Variants in TTC39B observed in about 807,000 individuals in gnomAD.
The protein encoded by TTC39B is tetratricopeptide repeat domain 39B, also known as tetratricopeptide repeat protein 39B.
A neutral mutation model predicts 96.6 loss-of-function variants in TTC39B; 92 were observed. The observed-to-expected ratio is 0.95, with a 90% CI of 0.80 to 1.13. The LOEUF is 1.13. TTC39B is among the 50% of genes most tolerant of loss of function. The pLI is 0.00. For synonymous variants in TTC39B, 367 were observed against 299.4 expected (o/e 1.23, Z -2.33); for missense variants, 955 against 809.3 (o/e 1.18, Z -2.18).
chr9:15,283,066 A>G (rs568795600), intron 1 of TTC39B, among the ~76,000 whole-genome samples: 117 of 152,314 alleles, frequency 7.7e-4, no homozygotes, highest in African/African-American at 2.6e-3. Context: ...GGCATTTACC[A>G]TAAGGCATAT....
At chr9:15,178,126 C>T (rs1208873932) in intron 17 of TTC39B, among the ~76,000 whole-genome samples, 1 of 152,066 alleles carries the variant, frequency 6.6e-6, no homozygotes, top group African/African-American at 2.4e-5. Flanking sequence ...ACCTCGGCCT[C>T]CCAGAGTGCT....
intron 4 of TTC39B, among the ~76,000 whole-genome samples, chr9:15,213,024 T>C (rs1402466777): frequency 6.6e-6 from 1 of 152,182 alleles, no homozygotes; most frequent in Non-Finnish European, 1.5e-5. Flanking sequence ...GATAACCCAG[T>C]TAACCTGATC....
In TTC39B at chr9:15,264,729, C is replaced by CTATATA. The variant is rs138797791; in HGVS notation, c.275+3179_275+3184dup. Among the ~76,000 whole-genome samples the CTATATA allele has an allele frequency of 2.5e-3, 357 of 141,928 alleles. 1 individual carries two copies. Among genetic ancestry groups the CTATATA allele is most frequent in the African/African-American group, 8.9e-3 (343 of 38,726 alleles). 93.1% of individuals were successfully genotyped at this position (141,928 alleles called of 152,430 possible). A position where few individuals can be genotyped will look rare whatever the true frequency, so the allele number is the denominator to read the frequency against. On this transcript the variant is annotated intron_variant, in intron 2 of 19. Transcript: ENST00000512701. ...TTTGTTCTTCTATATAACAATTTTA[C>CTATATA]TATATATATATATATATATCTTATA...
chr9:15,233,072 G>A (rs1008997723), intron 2 of TTC39B, among the ~76,000 whole-genome samples: 3 of 151,972 alleles, frequency 2.0e-5, no homozygotes, highest in Admixed American at 6.6e-5. Context: ...ATCCTGTTGC[G>A]GACACCCAGC....
At chr9:15,197,129 C>T (rs1352961279) in intron 8 of TTC39B, among the ~76,000 whole-genome samples, 2 of 152,166 alleles carry the variant, frequency 1.3e-5, no homozygotes, top group Non-Finnish European at 2.9e-5. Flanking sequence ...CTTTTATATG[C>T]AGCAGGAAAC....
intron 2 of TTC39B, among the ~76,000 whole-genome samples, chr9:15,235,894 C>G (rs942821569): frequency 4.6e-5 from 7 of 151,728 alleles, no homozygotes; most frequent in African/African-American, 1.7e-4. Flanking sequence ...TCTTATAAAA[C>G]AACTACACAA....
chr9:15,200,180 T>TA (rs1371507487), intron 7 of TTC39B, among the ~76,000 whole-genome samples: 1 of 152,120 alleles, frequency 6.6e-6, no homozygotes, highest in African/African-American at 2.4e-5. Context: ...ACTAAGGAGG[T>TA]AATCCTCACC....
rs1293938493 is a variant in TTC39B, at chr9:15,269,305, A to G, written c.241-1357T>C. 2.6e-5 allele frequency among the ~76,000 whole-genome samples: 4 copies of G among 152,312 alleles called. No homozygotes were observed. The East Asian group carries it at 7.7e-4, about 29-fold the overall frequency. On this transcript the variant is annotated intron_variant, in intron 1 of 19. Coordinates refer to ENST00000512701, the Ensembl canonical transcript of TTC39B. ...TGTCTCCATCAGAGCAGGCTCTTAC[A>G]TACACAGAAAAAACACCAGGGCTTC...
chr9:15,211,654 G>A (rs1820208305), intron 4 of TTC39B, among the ~76,000 whole-genome samples: 1 of 152,156 alleles, frequency 6.6e-6, no homozygotes, highest in Non-Finnish European at 1.5e-5. Context: ...ACACAAGAGG[G>A]CAGCCTGCAG....
chr9:15,216,611 TC>T (rs1267441216), intron 3 of TTC39B, among the ~76,000 whole-genome samples: 6 of 152,224 alleles, frequency 3.9e-5, no homozygotes, highest in African/African-American at 1.4e-4. Context: ...CTTGAATTTA[TC>T]CTGTCTCATC....
At chr9:15,304,605 C>T (rs942685817) in intron 1 of TTC39B, among the ~76,000 whole-genome samples, 1 of 152,124 alleles carries the variant, frequency 6.6e-6, no homozygotes, top group Admixed American at 6.5e-5. Context: ...AAAAAGATTT[C>T]CATATTATTA....
At chr9:15,234,283 C>T (rs1821641317) in intron 2 of TTC39B, among the ~76,000 whole-genome samples, 1 of 150,366 alleles carries the variant, frequency 6.7e-6, no homozygotes, top group African/African-American at 2.5e-5. Context: ...CCCGCCAGGC[C>T]AGCCGCCCCA....
intron 6 of TTC39B, among the ~76,000 whole-genome samples, chr9:15,206,041 G>A (rs1819830789): frequency 6.6e-6 from 1 of 152,176 alleles, no homozygotes; most frequent in Non-Finnish European, 1.5e-5. Context: ...CGGGTGGGCA[G>A]ATCAGGGTTA....
intron 2 of TTC39B, among the ~76,000 whole-genome samples, chr9:15,235,887 T>G (rs922901784): frequency 3.3e-5 from 5 of 152,044 alleles, no homozygotes; most frequent in Non-Finnish European, 5.9e-5. Flanking sequence ...TCACAGATCT[T>G]ATAAAACAAC....
At chr9:15,270,740 A>C (rs147774588) in intron 1 of TTC39B, among the ~76,000 whole-genome samples, 1 of 120,484 alleles carries the variant, frequency 8.3e-6, no homozygotes, top group African/African-American at 3.4e-5. Flanking sequence ...GTATCTAATA[A>C]CTTTTTTATT....
At chr9:15,300,340 G>A (rs1824539797) in intron 1 of TTC39B, among the ~76,000 whole-genome samples, 1 of 152,108 alleles carries the variant, frequency 6.6e-6, no homozygotes, top group Non-Finnish European at 1.5e-5. Flanking sequence ...CTCCCTCACT[G>A]CACCACTGAC....
chr9:15,196,916 C>A (rs1326660077), intron 8 of TTC39B, among the ~76,000 whole-genome samples: 1 of 152,198 alleles, frequency 6.6e-6, no homozygotes. Context: ...GCCACCCCAA[C>A]CTTCAGCAAC....
intron 1 of TTC39B, among the ~76,000 whole-genome samples, chr9:15,274,581 T>C (rs112457715): frequency 8.5e-5 from 13 of 152,170 alleles, no homozygotes; most frequent in African/African-American, 2.7e-4. Flanking sequence ...ACAGAATTCT[T>C]AATCAAAGGG....
At chr9:15,296,370 G>T (rs1418751224) in intron 1 of TTC39B, among the ~76,000 whole-genome samples, 2 of 152,140 alleles carry the variant, frequency 1.3e-5, no homozygotes, top group African/African-American at 4.8e-5. Flanking sequence ...AATGGGGTTG[G>T]GAAAGGGAAA....
Sources: allele counts gnomAD v4.1 joint callset (sites outside exome capture counted in the v4.1 genomes callset), GRCh38; gene constraint gnomAD v4.1.1; transcripts MANE v1.5; gene names NCBI Gene and HGNC (gene_info 2026-07-23, HGNC 2026-07-21).